Variants in WWC2 observed in about 807,000 individuals in gnomAD.
WWC2 encodes WW and C2 domain containing 2.
WWC2 carries 101 observed loss-of-function variants against 138.5 expected under a neutral mutation model. The ratio of observed to expected loss-of-function variants is 0.73; its 90% CI spans 0.62 to 0.86. The LOEUF (loss-of-function observed/expected upper bound fraction) is 0.86, where lower values mean the gene tolerates loss of function less well. Among genes scored for constraint, WWC2 ranks in the 40% least tolerant of loss-of-function variants. The pLI is 0.00. For missense variants in WWC2, 1,420 were observed against 1,419.4 expected (o/e 1.00, Z -0.01); for synonymous variants, 558 against 538.4 (o/e 1.04, Z -0.50).
At chr4:183,246,228 T>G (rs1327612575) in intron 6 of WWC2, among the ~76,000 whole-genome samples, 1 of 151,386 alleles carries the variant, frequency 6.6e-6, no homozygotes, top group East Asian at 1.9e-4. Flanking sequence ...TACAGTCAAG[T>G]TTTTTTTTAA....
intron 1 of WWC2, among the ~76,000 whole-genome samples, chr4:183,149,276 T>A (rs1348420239): frequency 6.6e-6 from 1 of 152,196 alleles, no homozygotes; most frequent in Non-Finnish European, 1.5e-5. Flanking sequence ...TCTTTAGGAA[T>A]ACATGCTTGG....
rs187700409 is a variant in WWC2 at position 183,110,836 on chromosome 4, G to A, written c.131+11214G>A. Among the ~76,000 whole-genome samples, 222 of 152,298 alleles carry A rather than the reference G, an allele frequency of 1.5e-3. 2 individuals are homozygous for A. Among genetic ancestry groups the A allele is most frequent in the African/African-American group, 5.1e-3 (212 of 41,546 alleles). The stretch of plus-strand genomic sequence containing the variant: ...GAACTTTGCTCCTGCTGCATGTGCA[G>A]TGTTGTTTTCTGGTGTGGCCTGGGT... On this transcript the variant is annotated intron_variant, in intron 1 of 22. Transcript: ENST00000403733.
At chr4:183,304,439 C>G (rs538329420) in intron 21 of WWC2, among the ~76,000 whole-genome samples, 3 of 151,974 alleles carry the variant, frequency 2.0e-5, no homozygotes, top group Non-Finnish European at 4.4e-5. Flanking sequence ...CGATGGATGT[C>G]GAAGAAAAAT....
At chr4:183,134,154 T>TG (rs1203548262) in intron 1 of WWC2, among the ~76,000 whole-genome samples, 2 of 152,174 alleles carry the variant, frequency 1.3e-5, no homozygotes, top group Non-Finnish European at 2.9e-5. Flanking sequence ...TGCTTTTTTT[T>TG]GTAGTTCTTT....
intron 1 of WWC2, among the ~76,000 whole-genome samples, chr4:183,109,560 C>T (rs1469723146): frequency 6.6e-6 from 1 of 152,154 alleles, no homozygotes; most frequent in African/African-American, 2.4e-5. Flanking sequence ...GAGCGCACAG[C>T]CTGGATCCCT....
intron 21 of WWC2, among the ~76,000 whole-genome samples, chr4:183,301,680 A>G (rs868423741): frequency 1.2e-4 from 18 of 152,356 alleles, no homozygotes; most frequent in South Asian, 2.1e-4. Flanking sequence ...GCAGATTTAA[A>G]GTGAGTTTAG....
chr4:183,284,729 A>G (rs1738191609), intron 19 of WWC2, among the ~76,000 whole-genome samples: 1 of 152,150 alleles, frequency 6.6e-6, no homozygotes, highest in Admixed American at 6.5e-5. Context: ...TGGTCTGTAT[A>G]TTTCTGTTCT....
intron 4 of WWC2, among the ~76,000 whole-genome samples, chr4:183,234,554 A>AT (rs144274631): frequency 0.028 from 4,323 of 152,274 alleles, 211 homozygotes; most frequent in African/African-American, 0.096. Flanking sequence ...ATGTATTATC[A>AT]TGCCATTAAT....
intron 1 of WWC2, among the ~76,000 whole-genome samples, chr4:183,155,017 G>A (rs1035260093): frequency 1.3e-5 from 2 of 152,182 alleles, no homozygotes; most frequent in Admixed American, 6.5e-5. Flanking sequence ...ACATGCTAGC[G>A]TACCTGCAAA....
At chr4:183,262,418 T>C (rs934115707) in intron 11 of WWC2, among the ~76,000 whole-genome samples, 1 of 152,258 alleles carries the variant, frequency 6.6e-6, no homozygotes, top group Non-Finnish European at 1.5e-5. Flanking sequence ...AGAAGTGCTC[T>C]CTTCCTGTTC....
intron 1 of WWC2, among the ~76,000 whole-genome samples, chr4:183,146,628 CAT>C (rs1226030612): frequency 6.6e-6 from 1 of 152,164 alleles, no homozygotes; most frequent in Non-Finnish European, 1.5e-5. Flanking sequence ...CTGGCCTGCT[CAT>C]GTGCGCAGCG....
At position 183,316,744 on chromosome 4, in the gene WWC2, A is replaced by G. The variant is rs953983126; in HGVS notation, c.*1015A>G. 7 of 152,338 alleles carry G rather than the reference A, an allele frequency of 4.6e-5. No individual in the cohort carries two copies. Among genetic ancestry groups the G allele is most frequent in the African/African-American group, 1.4e-4 (6 of 41,564 alleles). 9.4% of individuals were successfully genotyped at this position (152,338 alleles called of 1,614,324 possible). On this transcript the variant is annotated 3_prime_UTR_variant, in exon 23 of 23. Transcript: ENST00000403733. ...AAACAAAGAAGAGTTTATCAAGCAG[A>G]TTTCTAACATTTAGTAGAAACTACT...
chr4:183,258,456 G>A (rs889245814), intron 9 of WWC2, among the ~76,000 whole-genome samples: 1 of 152,118 alleles, frequency 6.6e-6, no homozygotes, highest in Non-Finnish European at 1.5e-5. Context: ...TAAAATATGG[G>A]CATGTTTCCT....
intron 1 of WWC2, among the ~76,000 whole-genome samples, chr4:183,144,788 A>G (rs1005060431): frequency 3.9e-5 from 6 of 152,240 alleles, no homozygotes; most frequent in African/African-American, 1.2e-4. Context: ...AACGCTGTTC[A>G]TTCTACATAC....
chr4:183,191,467 C>T (rs1734990609), intron 1 of WWC2, among the ~76,000 whole-genome samples: 1 of 152,024 alleles, frequency 6.6e-6, no homozygotes, highest in East Asian at 1.9e-4. Context: ...TCCTCCTACC[C>T]CCTTAAAAAA....
At chr4:183,124,536 C>CTTTTTTTTTT (rs370409813) in intron 1 of WWC2, among the ~76,000 whole-genome samples, 30 of 122,780 alleles carry the variant, frequency 2.4e-4, no homozygotes, top group African/African-American at 8.1e-4. Context: ...TCCTTTTTCT[C>CTTTTTTTTTT]TTTTTTTTTT....
At chr4:183,225,022 T>G (rs1358656542) in intron 4 of WWC2, among the ~76,000 whole-genome samples, 6 of 152,162 alleles carry the variant, frequency 3.9e-5, no homozygotes, top group African/African-American at 1.4e-4. Context: ...GATCCTAGTA[T>G]TCTGAAAGTT....
At chr4:183,188,668 G>A (rs1300543274) in intron 1 of WWC2, among the ~76,000 whole-genome samples, 1 of 104,948 alleles carries the variant, frequency 9.5e-6, no homozygotes, top group Non-Finnish European at 1.8e-5. Flanking sequence ...TTTTTGAGAC[G>A]AAGTCTCGCT....
chr4:183,135,526 T>C (rs1018830081), intron 1 of WWC2, among the ~76,000 whole-genome samples: 4 of 152,046 alleles, frequency 2.6e-5, no homozygotes, highest in African/African-American at 9.6e-5. Flanking sequence ...TATATGCTAC[T>C]TTTGTTCAGT....
Sources: gnomAD v4.1 joint callset for allele counts (sites outside exome capture counted in the v4.1 genomes callset) on GRCh38, gnomAD v4.1.1 for gene constraint, MANE v1.5 for transcripts, NCBI Gene and HGNC (gene_info 2026-07-23, HGNC 2026-07-21) for gene names.